KCNH8: variants seen among roughly 807,000 people sequenced by gnomAD.
KCNH8 encodes the protein voltage-gated delayed rectifier potassium channel KCNH8.
KCNH8 carries 70 observed loss-of-function variants against 103.6 expected under a neutral mutation model. The ratio of observed to expected loss-of-function variants is 0.68; its 90% CI spans 0.56 to 0.82. The LOEUF (loss-of-function observed/expected upper bound fraction) is 0.82, where lower values mean the gene tolerates loss of function less well. KCNH8 is among the 40% of genes least tolerant of loss of function. The probability of loss-of-function intolerance (pLI) is 0.00; values close to 1 mark genes in which losing one functional copy is unlikely to be tolerated. For missense variants in KCNH8, 1,217 were observed against 1,329.9 expected (o/e 0.92, Z 1.32); for synonymous variants, 498 against 489.4 (o/e 1.02, Z -0.23).
intron 1 of KCNH8, among the ~76,000 whole-genome samples, chr3:19,231,860 C>A (rs2063998584): frequency 1.3e-5 from 2 of 152,176 alleles, no homozygotes; most frequent in Admixed American, 1.3e-4. Flanking sequence ...GCAAACATTT[C>A]TTTTCTCTTC....
chr3:19,496,745 G>C (rs560973692), intron 11 of KCNH8, among the ~76,000 whole-genome samples: 3 of 152,126 alleles, frequency 2.0e-5, no homozygotes, highest in South Asian at 4.2e-4. Flanking sequence ...TCAAATTTTT[G>C]AAATAGTTTC....
intron 5 of KCNH8, among the ~76,000 whole-genome samples, chr3:19,367,417 T>C (rs34411558): frequency 0.21 from 30,929 of 145,392 alleles, 3,624 homozygotes; most frequent in Middle Eastern, 0.31. Context: ...TATATATATA[T>C]CAGAAATATA....
In KCNH8 at chr3:19,308,715, TCTCC is replaced by T. The variant is rs2065167210; in HGVS notation, c.442+27388_442+27391del. Among the ~76,000 whole-genome samples, 26 of 50,814 alleles carry T rather than the reference TCTCC, an allele frequency of 5.1e-4. 5 individuals are homozygous for T. The highest frequency in any genetic ancestry group is 2.4e-3 in the African/African-American group (19 of 8,052). 33.3% of individuals were successfully genotyped at this position (50,814 alleles called of 152,430 possible). ...CTCTCTCTCTCTCTCTCTCTCTCTC[TCTCC>T]CCCTCTCTCCCTCTCTCCCTCTCTC... On this transcript the variant is annotated intron_variant, in intron 3 of 15. Transcript: ENST00000328405.
intron 11 of KCNH8, among the ~76,000 whole-genome samples, chr3:19,505,293 G>A (rs760566440): frequency 1.3e-5 from 2 of 151,872 alleles, no homozygotes; most frequent in Non-Finnish European, 2.9e-5. Context: ...AACAGATACT[G>A]AGACCTACCA....
At chr3:19,156,499 A>G (rs1366659621) in intron 1 of KCNH8, among the ~76,000 whole-genome samples, 10 of 152,150 alleles carry the variant, frequency 6.6e-5, no homozygotes. Context: ...TGGATATATT[A>G]TGCTTTAAAT....
At chr3:19,259,169 T>C (rs552519131) in intron 2 of KCNH8, among the ~76,000 whole-genome samples, 6 of 151,300 alleles carry the variant, frequency 4.0e-5, no homozygotes, top group Non-Finnish European at 7.4e-5. Flanking sequence ...TCTGTGTGTA[T>C]ACCTCCTGAG....
chr3:19,465,417 T>G (rs888638825), intron 11 of KCNH8, among the ~76,000 whole-genome samples: 7 of 152,184 alleles, frequency 4.6e-5, no homozygotes, highest in African/African-American at 1.7e-4. Context: ...GAATAAAAGA[T>G]TCCTTTCAAA....
In KCNH8 at chr3:19,398,235, G is replaced by T. The variant is rs138894883; in HGVS notation, c.1177+2924G>T. Among the ~76,000 whole-genome samples, 23 of 152,026 alleles carry T rather than the reference G, an allele frequency of 1.5e-4. No individual in the cohort carries two copies. The East Asian group carries it at 4.5e-3, about 29-fold the overall frequency. On this transcript the variant is annotated intron_variant, in intron 7 of 15. Coordinates refer to ENST00000328405, the MANE Select transcript of KCNH8 (RefSeq NM_144633.3). ...AAACAAATAATAGAGCTTAAAATCT[G>T]GTGGGAAAAGTAGACAAAGATTTAA...
intron 7 of KCNH8, among the ~76,000 whole-genome samples, chr3:19,434,197 C>A (rs1421588246): frequency 1.3e-5 from 2 of 152,096 alleles, no homozygotes; most frequent in Non-Finnish European, 2.9e-5. Flanking sequence ...GTCATGGGCA[C>A]TAGATTAACC....
rs142783413 is a variant in KCNH8 at position 19,250,027 on chromosome 3, G to T, written c.77-3627G>T. Among the ~76,000 whole-genome samples the T allele has an allele frequency of 4.1e-3, 623 of 152,200 alleles. 3 individuals carry two copies. Among genetic ancestry groups the T allele is most frequent in the African/African-American group, 0.014 (568 of 41,512 alleles). On this transcript the variant is annotated intron_variant, in intron 1 of 15. Coordinates refer to ENST00000328405, the MANE Select transcript of KCNH8 (RefSeq NM_144633.3). ...AGGTGAGTGAACCACTTCAGTTCAG[G>T]ATTCAAGACCAGGCTACGCAACATG...
At chr3:19,362,521 G>A (rs766181584) in intron 5 of KCNH8, among the ~76,000 whole-genome samples, 5 of 152,168 alleles carry the variant, frequency 3.3e-5, no homozygotes, top group Non-Finnish European at 7.4e-5. Flanking sequence ...GCATTTAGAA[G>A]AGGGTCAGGG....
At chr3:19,471,430 T>C (rs763727965) in intron 11 of KCNH8, among the ~76,000 whole-genome samples, 1 of 152,158 alleles carries the variant, frequency 6.6e-6, no homozygotes, top group Non-Finnish European at 1.5e-5. Context: ...TTTAGGCCTA[T>C]GAAGTGCAGT....
At chr3:19,379,015 G>T (rs1387031461) in intron 5 of KCNH8, among the ~76,000 whole-genome samples, 2 of 152,000 alleles carry the variant, frequency 1.3e-5, no homozygotes, top group African/African-American at 4.8e-5. Context: ...GTTCATTAAA[G>T]GTACCACATA....
intron 1 of KCNH8, among the ~76,000 whole-genome samples, chr3:19,226,142 T>C (rs1291403239): frequency 6.6e-6 from 1 of 152,198 alleles, no homozygotes; most frequent in Non-Finnish European, 1.5e-5. Context: ...TTGAAAAATA[T>C]TAAGGCCTTT....
chr3:19,246,209 ATTATTT>A (rs2064201877), intron 1 of KCNH8, among the ~76,000 whole-genome samples: 3 of 151,264 alleles, frequency 2.0e-5, no homozygotes, highest in East Asian at 3.9e-4. Flanking sequence ...TTAAAATTAA[ATTATTT>A]TTATTAAACC....
intron 6 of KCNH8, 129 bp downstream of exon 6, chr3:19,390,767 C>A: frequency 1.2e-6 from 1 of 808,996 alleles, no homozygotes; most frequent in Non-Finnish European, 1.9e-6. Flanking sequence ...TGCCCTGATG[C>A]CCAGTGATAT....
At chr3:19,154,033 C>T (rs879732902) in intron 1 of KCNH8, among the ~76,000 whole-genome samples, 4 of 152,002 alleles carry the variant, frequency 2.6e-5, no homozygotes, top group African/African-American at 4.8e-5. Context: ...TCAAATGGGG[C>T]AATGTAACAT....
intron 11 of KCNH8, among the ~76,000 whole-genome samples, chr3:19,465,807 G>A (rs2067723032): frequency 6.6e-6 from 1 of 152,058 alleles, no homozygotes; most frequent in Non-Finnish European, 1.5e-5. Context: ...TTAAATGAAG[G>A]AAGTCAGTGC....
intron 1 of KCNH8, among the ~76,000 whole-genome samples, chr3:19,152,517 C>G (rs751375138): frequency 2.6e-5 from 4 of 152,104 alleles, no homozygotes; most frequent in Non-Finnish European, 5.9e-5. Flanking sequence ...GTTTGTAGCC[C>G]AGTGGACTCC....
Sources: gnomAD v4.1 joint callset for allele counts (sites outside exome capture counted in the v4.1 genomes callset) on GRCh38, gnomAD v4.1.1 for gene constraint, MANE v1.5 for transcripts, NCBI Gene and HGNC (gene_info 2026-07-23, HGNC 2026-07-21) for gene names.